The following BCL10 variants were observed in gnomAD, a reference collection of about 807,000 sequenced individuals.
The protein encoded by BCL10 is BCL10 immune signaling adaptor, also known as B-cell lymphoma/leukemia 10.
Under a neutral mutation model 19.2 loss-of-function variants are expected in BCL10, and 5 were observed. That is an observed-to-expected ratio of 0.26 (90% CI 0.14 to 0.55). BCL10 has a LOEUF of 0.55. Among genes scored for constraint, BCL10 ranks in the 20% least tolerant of loss-of-function variants. The pLI, the probability that BCL10 is intolerant of heterozygous loss-of-function variation, is 0.94. For synonymous variants in BCL10, 110 were observed against 98.8 expected (o/e 1.11, Z -0.67); for missense variants, 201 against 271.9 (o/e 0.74, Z 1.83).
chr1:85,274,609 C>T (rs1660461537), intron 1 of BCL10, among the ~76,000 whole-genome samples: 1 of 152,094 alleles, frequency 6.6e-6, no homozygotes, highest in Admixed American at 6.6e-5. Flanking sequence ...CAACAGTAAG[C>T]AACTTTGGGA....
chr1:85,270,747 G>C lies in BCL10; in HGVS notation c.217C>G (p.Gln73Glu). 1 of 1,614,080 alleles carries C rather than the reference G, an allele frequency of 6.2e-7. No homozygotes were observed. The highest frequency in any genetic ancestry group is 8.5e-7 in the Non-Finnish European group (1 of 1,180,004). ...KRAGKLLDYLQENPKGLDTLV... is the reference protein window; with the variant it reads ...KRAGKLLDYLEENPKGLDTLV... ...GTGTCCAGACCTTTTGGGTTTTCCT[G>C]TAAGTAGTCTAACAATTTTCCAGCC... Residue 73 changes from glutamine to glutamate, a missense_variant, in exon 2 of 3, where the codon CAG becomes GAG. By Grantham distance (29) the Gln-to-Glu change is conservative. This residue lies in a region of BCL10 where 51 missense variants were observed against 118.8 expected (regional missense o/e 0.43). Coordinates refer to ENST00000648566, the MANE Select transcript of BCL10 (RefSeq NM_003921.5).
chr1:85,274,802 A>C (rs1424548251), intron 1 of BCL10, among the ~76,000 whole-genome samples: 1 of 152,230 alleles, frequency 6.6e-6, no homozygotes, highest in Non-Finnish European at 1.5e-5. Flanking sequence ...AACCTCTAAG[A>C]AAAAAGCATG....
chr1:85,270,300 T>A (rs1660334837), intron 2 of BCL10, among the ~76,000 whole-genome samples: 3 of 152,240 alleles, frequency 2.0e-5, no homozygotes, highest in Non-Finnish European at 4.4e-5. Context: ...TGAGACAGGG[T>A]CTTGCTCTGT....
intron 1 of BCL10, among the ~76,000 whole-genome samples, chr1:85,273,800 C>G (rs974673624): frequency 6.6e-6 from 1 of 152,340 alleles, no homozygotes; most frequent in Non-Finnish European, 1.5e-5. Flanking sequence ...CTTCCCTGTT[C>G]TTATTCTTGT....
At chr1:85,273,494 C>G (rs1233311300) in intron 1 of BCL10, among the ~76,000 whole-genome samples, 2 of 152,180 alleles carry the variant, frequency 1.3e-5, no homozygotes, top group African/African-American at 4.8e-5. Flanking sequence ...CACCATTTTT[C>G]TCTTCTAGCT....
chr1:85,275,929 G>A (rs1000383283), intron 1 of BCL10, among the ~76,000 whole-genome samples: 1 of 152,234 alleles, frequency 6.6e-6, no homozygotes, highest in Admixed American at 6.5e-5. Context: ...GGCTGAGTGA[G>A]CAGCCTAGGC....
At chr1:85,269,063 C>T (rs181075185) in intron 2 of BCL10, among the ~76,000 whole-genome samples, 11 of 152,334 alleles carry the variant, frequency 7.2e-5, no homozygotes, top group East Asian at 3.9e-4. Flanking sequence ...GCCATTATCA[C>T]GGGAATGGGT....
Position 85,265,886 on chromosome 1 carries a change from CTT to C in BCL10, c.*1739_*1740del, listed in dbSNP as rs917262104. Among the ~76,000 whole-genome samples the C allele has an allele frequency of 1.3e-5, 2 of 152,122 alleles. No homozygotes were observed. The highest frequency in any genetic ancestry group is 4.8e-5 in the African/African-American group (2 of 41,444). ...TGTTATTGTATATCTAAATTATAAT[CTT>C]TGATTCAATTTTTAAAAAGGTGTCC... is the stretch of plus-strand genomic sequence containing the variant. On this transcript the variant is annotated 3_prime_UTR_variant, in exon 3 of 3. Transcript: ENST00000648566.
In BCL10 at chr1:85,267,761, T is replaced by A. The variant is rs556621354; in HGVS notation, c.568A>T (p.Thr190Ser). The A allele has an allele frequency of 6.2e-7, 1 of 1,614,220 alleles. No homozygotes were observed. The highest frequency in any genetic ancestry group is 1.3e-5 in the African/African-American group (1 of 75,056). The change falls in exon 3 of 3, where the codon ACT (threonine) becomes TCT (serine). Residue 190 changes from threonine to serine, a missense_variant. This residue lies in a region of BCL10 where 126 missense variants were observed against 136.6 expected (regional missense o/e 0.92). Coordinates refer to ENST00000648566, the MANE Select transcript of BCL10 (RefSeq NM_003921.5). The part of the protein sequence containing the change: ...GRTENTIFSS[T>S]TLPRPGDPGA... The stretch of plus-strand genomic sequence containing the variant: ...GGGTCCCCAGGTCTGGGAAGTGTAG[T>A]TGAAGAGAAGATGGTATTTTCAGTT...
rs1292365915 is a variant in BCL10, at chr1:85,276,341, G to A, written c.12C>T (p.Thr4=). The A allele has an allele frequency of 1.5e-5, 24 of 1,613,638 alleles. No individual in the cohort carries two copies. Among genetic ancestry groups the A allele is most frequent in the Non-Finnish European group, 2.0e-5 (24 of 1,179,662 alleles). The change falls in exon 1 of 3, where the codon ACC becomes ACT. Residue 4 remains threonine (T), a synonymous_variant. Transcript: ENST00000648566. ...GGTCCTCCTCGGTGAGGGACGGTGC[G>A]GTGGGCTCCATGGTGGAGGCGGGAG... The part of the protein sequence containing the change: MEP[T]APSLTEEDLT...
intron 1 of BCL10, among the ~76,000 whole-genome samples, chr1:85,272,109 G>A (rs1441461037): frequency 6.6e-6 from 1 of 152,144 alleles, no homozygotes; most frequent in Non-Finnish European, 1.5e-5. Context: ...ACTATGTCCA[G>A]GACCTGGTCC....
chr1:85,270,990 G>A, intron 1 of BCL10, 84 bp from the exon 2 acceptor site: 12 of 1,356,524 alleles, frequency 8.8e-6, no homozygotes, highest in Non-Finnish European at 1.1e-5. Context: ...AGTCTTAGCT[G>A]GTGTGAGACA....
chr1:85,276,047 A>G (rs907785549), intron 1 of BCL10, among the ~76,000 whole-genome samples: 12 of 152,244 alleles, frequency 7.9e-5, no homozygotes, highest in Non-Finnish European at 1.6e-4. Context: ...GCAAGAATCA[A>G]AACACCACTT....
chr1:85,266,424 C>CAACA lies in BCL10; in HGVS notation c.*1199_*1202dup, dbSNP rs1246311669. 5.3e-6 allele frequency: 1 copy of CAACA among 189,502 alleles called. No homozygotes were observed. Among genetic ancestry groups the CAACA allele is most frequent in the African/African-American group, 2.3e-5 (1 of 42,862 alleles). The allele number at this position is 189,502 out of a possible 1,614,324, so 11.7% of individuals were successfully genotyped here. ...GTAAAATTAGTCAAATTTTGTTTTA[C>CAACA]AACAAAAAGACAAATCTGGCTAATG... On this transcript the variant is annotated 3_prime_UTR_variant, in exon 3 of 3. Transcript: ENST00000648566.
chr1:85,272,150 A>G (rs1660383614), intron 1 of BCL10, among the ~76,000 whole-genome samples: 2 of 152,236 alleles, frequency 1.3e-5, no homozygotes, highest in African/African-American at 4.8e-5. Context: ...TATTAACAAT[A>G]GAAACCTAGC....
At chr1:85,275,308 A>G (rs1229903933) in intron 1 of BCL10, among the ~76,000 whole-genome samples, 1 of 152,232 alleles carries the variant, frequency 6.6e-6, no homozygotes, top group African/African-American at 2.4e-5. Context: ...GTGCTCCATA[A>G]ATCTCTGTTG....
rs1437336153 is a variant in BCL10 at position 85,270,639 on chromosome 1, T to C, written c.325A>G (p.Ile109Val). The C allele has an allele frequency of 6.2e-7, 1 of 1,602,452 alleles. No homozygotes were observed. The highest frequency in any genetic ancestry group is 1.8e-5 in the Admixed American group (1 of 56,832). Reference protein sequence around the residue: ...ITDEVLKLRNIKLEHLKGLKC... With the variant: ...ITDEVLKLRNVKLEHLKGLKC... ...TTACCTTTCAGATGTTCTAGTTTTATATTTCTAAGTTTCAGCACTTCATCT... is the reference window on the plus strand; with the variant it reads ...TTACCTTTCAGATGTTCTAGTTTTACATTTCTAAGTTTCAGCACTTCATCT... Residue 109 changes from isoleucine (I) to valine (V), a missense_variant, in exon 2 of 3, where the codon ATA (isoleucine) becomes GTA (valine). Physicochemically the swap from Ile to Val is conservative, Grantham distance 29. This residue lies in a region of BCL10 where 51 missense variants were observed against 118.8 expected (regional missense o/e 0.43). Coordinates refer to ENST00000648566, the MANE Select transcript of BCL10 (RefSeq NM_003921.5).
intron 1 of BCL10, 84 bp downstream of exon 1, chr1:85,276,212 T>C (rs763466342): frequency 6.5e-7 from 1 of 1,526,864 alleles, no homozygotes; most frequent in Non-Finnish European, 9.1e-7. Context: ...ATCCTCCTTG[T>C]CCTCGGACTC....
chr1:85,272,040 C>T (rs567477669), intron 1 of BCL10, among the ~76,000 whole-genome samples: 21 of 152,100 alleles, frequency 1.4e-4, no homozygotes, highest in African/African-American at 3.1e-4. Context: ...ACAATGTGAT[C>T]GGGCCCAGAA....
Sources: allele counts gnomAD v4.1 joint callset (sites outside exome capture counted in the v4.1 genomes callset), GRCh38; gene constraint gnomAD v4.1.1; regional missense constraint gnomAD v4.1.1; transcripts MANE v1.5; gene names NCBI Gene and HGNC (gene_info 2026-07-23, HGNC 2026-07-21).